CNTN5: variants seen among roughly 807,000 people sequenced by gnomAD.
CNTN5 encodes the protein contactin-5.
In CNTN5, 77 loss-of-function variants were observed where a neutral mutation model predicts 129.1. The observed-to-expected ratio is 0.60, with a 90% confidence interval of 0.50 to 0.72. The LOEUF (loss-of-function observed/expected upper bound fraction) is 0.72. Among genes scored for constraint, CNTN5 ranks in the 30% least tolerant of loss-of-function variants. The pLI is 0.00. For synonymous variants in CNTN5, 509 were observed against 465.6 expected, an observed-to-expected ratio of 1.09 and a Z score of -1.20; for missense variants, 1,478 against 1,328.8, an observed-to-expected ratio of 1.11 and a Z score of -1.75.
At chr11:99,789,958 C>T (rs1459394797) in intron 3 of CNTN5, among the ~76,000 whole-genome samples, 2 of 152,020 alleles carry the variant, frequency 1.3e-5, no homozygotes, top group East Asian at 3.9e-4. Flanking sequence ...TCTGAAGTGT[C>T]TTTTGTTGCC....
chr11:99,982,651 A>AT (rs1416007071), intron 8 of CNTN5, among the ~76,000 whole-genome samples: 2 of 152,000 alleles, frequency 1.3e-5, no homozygotes, highest in Middle Eastern at 3.4e-3. Flanking sequence ...GTATTTGTGT[A>AT]TTTTTTTGAG....
intron 7 of CNTN5, among the ~76,000 whole-genome samples, chr11:99,932,776 C>A (rs982335153): frequency 2.0e-5 from 3 of 152,160 alleles, no homozygotes; most frequent in African/African-American, 7.2e-5. Context: ...ATGCCCTCTT[C>A]ATTTTATCCG....
intron 17 of CNTN5, among the ~76,000 whole-genome samples, chr11:100,270,061 TTG>T (rs1163509079): frequency 7.0e-4 from 107 of 151,906 alleles, no homozygotes; most frequent in African/African-American, 1.9e-3. Context: ...GAGTTGTTTT[TTG>T]TTTGTTTGTT....
intron 13 of CNTN5, among the ~76,000 whole-genome samples, chr11:100,141,762 T>C (rs1459670425): frequency 2.0e-5 from 3 of 152,136 alleles, no homozygotes; most frequent in Non-Finnish European, 4.4e-5. Flanking sequence ...AGGTAGCATA[T>C]GTGTAATTTA....
chr11:100,070,405 A>G lies in CNTN5; in HGVS notation c.1163-19A>G, dbSNP rs748381001. Reference sequence around the variant, plus strand: ...TTGAGAAATGAAATCATCCTTGTTTACTGCTTACATACTTACAGCCTACCC... The same window carrying G: ...TTGAGAAATGAAATCATCCTTGTTTGCTGCTTACATACTTACAGCCTACCC... On this transcript the variant is annotated intron_variant, in intron 10 of 24. Coordinates refer to ENST00000524871, the MANE Select transcript of CNTN5 (RefSeq NM_014361.4). 3 of 1,600,038 alleles carry G rather than the reference A, an allele frequency of 1.9e-6. No homozygotes were observed. The South Asian group carries it at 3.4e-5, about 18-fold the overall frequency.
intron 2 of CNTN5, among the ~76,000 whole-genome samples, chr11:99,349,597 G>A (rs1164840400): frequency 6.6e-6 from 1 of 152,122 alleles, no homozygotes; most frequent in Non-Finnish European, 1.5e-5. Flanking sequence ...TGGATCATTT[G>A]GGGGAATTGA....
chr11:99,999,635 G>C (rs1939720418), intron 8 of CNTN5, among the ~76,000 whole-genome samples: 1 of 152,160 alleles, frequency 6.6e-6, no homozygotes, highest in South Asian at 2.1e-4. Flanking sequence ...AATACCATTT[G>C]ACCCAGCCAT....
chr11:99,154,374 A>C (rs1860230435), intron 1 of CNTN5, among the ~76,000 whole-genome samples: 1 of 152,198 alleles, frequency 6.6e-6, no homozygotes, highest in African/African-American at 2.4e-5. Flanking sequence ...GCACATTGGC[A>C]GCAGTGGCAG....
intron 2 of CNTN5, among the ~76,000 whole-genome samples, chr11:99,553,481 G>T (rs921082950): frequency 6.6e-6 from 1 of 151,924 alleles, no homozygotes; most frequent in African/African-American, 2.4e-5. Context: ...CAAAAGAAAC[G>T]TGTAAAAAGT....
At chr11:99,274,929 C>T (rs1863354433) in intron 1 of CNTN5, among the ~76,000 whole-genome samples, 1 of 151,230 alleles carries the variant, frequency 6.6e-6, no homozygotes, top group African/African-American at 2.4e-5. Flanking sequence ...ATCACAATAA[C>T]TTAAAAATAA....
intron 3 of CNTN5, among the ~76,000 whole-genome samples, chr11:99,806,960 T>C (rs1393691748): frequency 6.6e-6 from 1 of 152,028 alleles, no homozygotes; most frequent in Non-Finnish European, 1.5e-5. Flanking sequence ...AACACTACGG[T>C]AAATGAAATC....
intron 3 of CNTN5, among the ~76,000 whole-genome samples, chr11:99,787,535 A>G (rs574930468): frequency 6.6e-6 from 1 of 151,752 alleles, no homozygotes; most frequent in Non-Finnish European, 1.5e-5. Context: ...AAAAATGGCC[A>G]AGGAATGATT....
intron 2 of CNTN5, among the ~76,000 whole-genome samples, chr11:99,333,961 C>CTT (rs750020660): frequency 0.07 from 4,815 of 69,182 alleles, 112 homozygotes; most frequent in Middle Eastern, 0.12. Flanking sequence ...TCAACTTTCT[C>CTT]TCTCTCTCTC....
chr11:99,179,581 T>C (rs1457513720), intron 1 of CNTN5, among the ~76,000 whole-genome samples: 1 of 152,326 alleles, frequency 6.6e-6, no homozygotes, highest in African/African-American at 2.4e-5. Flanking sequence ...TTTACCCCAC[T>C]CCTACAACTC....
chr11:99,776,000 T>C (rs557236327), intron 3 of CNTN5, among the ~76,000 whole-genome samples: 2 of 152,182 alleles, frequency 1.3e-5, no homozygotes, highest in African/African-American at 4.8e-5. Flanking sequence ...GTCATATCTT[T>C]TCATAGAATT....
intron 18 of CNTN5, among the ~76,000 whole-genome samples, chr11:100,276,975 TA>T: frequency 6.6e-6 from 1 of 152,144 alleles, no homozygotes; most frequent in African/African-American, 2.4e-5. Flanking sequence ...CACTACCAAC[TA>T]CACTTCCCAG....
intron 1 of CNTN5, among the ~76,000 whole-genome samples, chr11:99,029,337 T>G (rs1443839830): frequency 1.3e-5 from 2 of 151,974 alleles, no homozygotes; most frequent in Non-Finnish European, 2.9e-5. Flanking sequence ...TTCAAAGAAT[T>G]TTCTTGAATG....
chr11:99,942,091 C>A (rs1035637208), intron 7 of CNTN5, among the ~76,000 whole-genome samples: 1 of 152,040 alleles, frequency 6.6e-6, no homozygotes, highest in Non-Finnish European at 1.5e-5. Context: ...TTTGGGGCAA[C>A]TCAAGATAGC....
chr11:99,626,354 A>C (rs1258487016), intron 3 of CNTN5, among the ~76,000 whole-genome samples: 1 of 152,132 alleles, frequency 6.6e-6, no homozygotes, highest in African/African-American at 2.4e-5. Context: ...TTTTAACATC[A>C]CGGAATAATA....
Sources: allele counts gnomAD v4.1 joint callset (sites outside exome capture counted in the v4.1 genomes callset), GRCh38; gene constraint gnomAD v4.1.1; transcripts MANE v1.5; gene names NCBI Gene and HGNC (gene_info 2026-07-23, HGNC 2026-07-21).